Variants in PAPOLA observed in about 807,000 individuals in gnomAD.
PAPOLA encodes polynucleotide adenylyltransferase alpha.
A neutral mutation model predicts 100.6 loss-of-function variants in PAPOLA; 15 were observed. The observed-to-expected ratio is 0.15, with a 90% CI of 0.10 to 0.23. PAPOLA has a LOEUF of 0.23. Among genes scored for constraint, PAPOLA ranks in the 10% least tolerant of loss-of-function variants. PAPOLA has a pLI of 1.00. For missense variants in PAPOLA, 533 were observed against 884.2 expected (o/e 0.60, Z 5.04); for synonymous variants, 293 against 300.0 (o/e 0.98, Z 0.24).
intron 12 of PAPOLA, chr14:96,537,909 G>C (rs1052111161): frequency 3.3e-5 from 5 of 151,866 alleles, no homozygotes; most frequent in African/African-American, 1.2e-4. Flanking sequence ...CCTTCATGAT[G>C]TCTCTGTGTT....
chr14:96,564,828 A>G (rs1338730320), intron 21 of PAPOLA, 127 bp from the exon 22 acceptor site: 2 of 594,022 alleles, frequency 3.4e-6, no homozygotes, highest in African/African-American at 3.7e-5. Flanking sequence ...ACAACATTAT[A>G]GAGTTTTTAA....
intron 12 of PAPOLA, 200 bp downstream of exon 12, chr14:96,537,260 G>C: frequency 1.8e-6 from 1 of 549,258 alleles, no homozygotes; most frequent in Non-Finnish European, 3.3e-6. Flanking sequence ...TTTTCTGCCC[G>C]ATCTAACTGA....
chr14:96,534,406 G>T, intron 9 of PAPOLA, 85 bp from the exon 10 acceptor site: 2 of 1,555,090 alleles, frequency 1.3e-6, no homozygotes. Flanking sequence ...GAAGGATCAC[G>T]TTCACAAATG....
intron 19 of PAPOLA, among the ~76,000 whole-genome samples, chr14:96,557,098 T>A (rs973618657): frequency 7.9e-5 from 12 of 152,130 alleles, no homozygotes; most frequent in Non-Finnish European, 1.3e-4. Context: ...CAGGTTGGAG[T>A]GCAGTGGAGC....
intron 16 of PAPOLA, among the ~76,000 whole-genome samples, chr14:96,550,351 A>G (rs1180233936): frequency 6.6e-6 from 1 of 152,266 alleles, no homozygotes; most frequent in Admixed American, 6.5e-5. Flanking sequence ...AACTCTTAGT[A>G]TTTCCATGAC....
intron 19 of PAPOLA, among the ~76,000 whole-genome samples, chr14:96,558,153 TTTTG>T (rs1474293683): frequency 4.6e-5 from 7 of 152,036 alleles, no homozygotes; most frequent in South Asian, 2.1e-4. Context: ...TTGGGGTTTT[TTTTG>T]TTGTTGTTGT....
intron 8 of PAPOLA, 27 bp from the exon 9 acceptor site, chr14:96,532,484 A>G (rs777877411): frequency 6.2e-7 from 1 of 1,605,520 alleles, no homozygotes; most frequent in Admixed American, 1.7e-5. Flanking sequence ...ACACTAACTT[A>G]TCTTTTTGCT....
chr14:96,523,705 G>A (rs1217213431), intron 3 of PAPOLA, among the ~76,000 whole-genome samples: 1 of 152,208 alleles, frequency 6.6e-6, no homozygotes, highest in Non-Finnish European at 1.5e-5. Flanking sequence ...AACACTTTGG[G>A]AGGCCAAGGT....
chr14:96,531,782 A>G lies in PAPOLA; in HGVS notation c.607+196A>G, dbSNP rs1039754629. 4.2e-6 allele frequency: 6 copies of G among 1,440,466 alleles called. No homozygotes were observed. The African/African-American group carries it at 8.6e-5, about 21-fold the overall frequency. 89.2% of individuals were successfully genotyped at this position (1,440,466 alleles called of 1,614,324 possible). Reference sequence around the variant, plus strand: ...CACTCTACAGTATTTTATACACTGTATTTCTTCTGTCATTAATGGTATACT... The same window carrying G: ...CACTCTACAGTATTTTATACACTGTGTTTCTTCTGTCATTAATGGTATACT... On this transcript the variant is annotated intron_variant, in intron 7 of 21. Transcript: ENST00000216277.
chr14:96,523,117 T>C (rs902897590), intron 3 of PAPOLA, among the ~76,000 whole-genome samples: 12 of 151,638 alleles, frequency 7.9e-5, no homozygotes, highest in Non-Finnish European at 1.8e-4. Context: ...CTGATTTTAG[T>C]TTCTGATAGA....
At chr14:96,544,001 T>G in intron 14 of PAPOLA, 148 bp from the exon 15 acceptor site, 1 of 607,788 alleles carries the variant, frequency 1.6e-6, no homozygotes, top group Admixed American at 3.0e-5. Context: ...GGGTGAGGAC[T>G]TTGCGTTTTC....
intron 12 of PAPOLA, among the ~76,000 whole-genome samples, chr14:96,539,097 C>T (rs1048546394): frequency 4.0e-5 from 6 of 151,880 alleles, no homozygotes; most frequent in African/African-American, 9.7e-5. Flanking sequence ...TTTTAAATGC[C>T]GCTTCTGAGA....
intron 3 of PAPOLA, among the ~76,000 whole-genome samples, 158 bp downstream of exon 3, chr14:96,521,230 T>G (rs1251272184): frequency 6.6e-6 from 1 of 152,130 alleles, no homozygotes. Context: ...TTTTTCTAGT[T>G]AATTTGGAAG....
At chr14:96,558,617 T>C (rs1901556118) in intron 19 of PAPOLA, among the ~76,000 whole-genome samples, 1 of 152,198 alleles carries the variant, frequency 6.6e-6, no homozygotes, top group African/African-American at 2.4e-5. Flanking sequence ...AGAGTCATTT[T>C]ATGTACCTGT....
At chr14:96,553,985 G>A (rs962490763) in intron 17 of PAPOLA, among the ~76,000 whole-genome samples, 1 of 152,244 alleles carries the variant, frequency 6.6e-6, no homozygotes. Context: ...GCCTGAATAT[G>A]TCCTGTAAGT....
At chr14:96,532,735 C>A in intron 9 of PAPOLA, 86 bp downstream of exon 9, 1 of 1,447,766 alleles carries the variant, frequency 6.9e-7, no homozygotes, top group Non-Finnish European at 9.0e-7. Flanking sequence ...AGCTTGGTTT[C>A]AGATTCAAAT....
intron 1 of PAPOLA, among the ~76,000 whole-genome samples, chr14:96,518,758 T>TA (rs200255260): frequency 0.012 from 1,850 of 151,608 alleles, 29 homozygotes; most frequent in African/African-American, 0.032. Flanking sequence ...TAGAACTTGG[T>TA]AAAAAAAAGT....
intron 1 of PAPOLA, among the ~76,000 whole-genome samples, chr14:96,505,232 C>T (rs764759956): frequency 2.0e-5 from 3 of 152,188 alleles, no homozygotes; most frequent in African/African-American, 7.2e-5. Context: ...GCAGCCTTAG[C>T]TTCCACCTAC....
At chr14:96,524,730 C>T (rs1035235905) in intron 3 of PAPOLA, among the ~76,000 whole-genome samples, 8 of 152,194 alleles carry the variant, frequency 5.3e-5, no homozygotes, top group African/African-American at 1.9e-4. Context: ...CACATGTTGC[C>T]GAAGCTGGTC....
Sources: gnomAD v4.1 joint callset for allele counts (sites outside exome capture counted in the v4.1 genomes callset) on GRCh38, gnomAD v4.1.1 for gene constraint, MANE v1.5 for transcripts, NCBI Gene and HGNC (gene_info 2026-07-23, HGNC 2026-07-21) for gene names.